The following KLHL24 variants were observed in gnomAD, a reference collection of about 807,000 sequenced individuals.
The protein encoded by KLHL24 is kelch-like protein 24.
KLHL24 carries 29 observed loss-of-function variants against 53.4 expected under a neutral mutation model. That is an observed-to-expected ratio of 0.54 (90% CI 0.40 to 0.74). KLHL24 has a LOEUF of 0.74. Among genes scored for constraint, KLHL24 ranks in the 30% least tolerant of loss-of-function variants. KLHL24 has a pLI of 0.00. For missense variants in KLHL24, 504 were observed against 744.0 expected (o/e 0.68, Z 3.75); for synonymous variants, 222 against 253.7 (o/e 0.88, Z 1.19).
rs1437660320 is a variant in KLHL24 at position 183,679,207 on chromosome 3, T to C, written c.1724T>C (p.Val575Ala). The C allele has an allele frequency of 1.2e-6, 2 of 1,613,800 alleles. No individual in the cohort carries two copies. Among genetic ancestry groups the C allele is most frequent in the Non-Finnish European group, 1.7e-6 (2 of 1,179,770 alleles). ...YDPATSIITG[V>A]AAMPRPVSYH... ...CCTGCAACAAGTATCATCACAGGGG[T>C]AGCTGCAATGCCCAGGCCAGTGTCC... is the stretch of plus-strand genomic sequence containing the variant. The change falls in exon 8 of 8, where the codon GTA becomes GCA. Residue 575 changes from valine (V) to alanine (A), a missense_variant. Physicochemically the swap from Val to Ala is moderately conservative, Grantham distance 64. Coordinates refer to ENST00000242810, the MANE Select transcript of KLHL24 (RefSeq NM_017644.3).
intron 5 of KLHL24, among the ~76,000 whole-genome samples, chr3:183,669,486 ACTC>A (rs1267082571): frequency 6.6e-6 from 1 of 152,026 alleles, no homozygotes; most frequent in Non-Finnish European, 1.5e-5. Flanking sequence ...CAGGTTCCAT[ACTC>A]CATATAGCTG....
chr3:183,675,777 TAAAA>T (rs900119983), intron 7 of KLHL24, among the ~76,000 whole-genome samples: 1 of 146,500 alleles, frequency 6.8e-6, no homozygotes, highest in Non-Finnish European at 1.5e-5. Flanking sequence ...AAAAAAAATT[TAAAA>T]AAAAAAGAAA....
At chr3:183,647,012 A>G (rs1238684807) in intron 2 of KLHL24, among the ~76,000 whole-genome samples, 2 of 141,486 alleles carry the variant, frequency 1.4e-5, no homozygotes, top group Non-Finnish European at 3.0e-5. Context: ...ACGGGGTTTC[A>G]CTGTTAGCTA....
Position 183,650,320 on chromosome 3 carries a change from T to C in KLHL24, c.-37T>C, listed in dbSNP as rs758506720. 5.3e-6 allele frequency: 8 copies of C among 1,519,532 alleles called. No homozygotes were observed. The Admixed American group carries it at 1.5e-4, about 29-fold the overall frequency. The allele number at this position is 1,519,532 out of a possible 1,614,324, so 94.1% of individuals were successfully genotyped here. Reference sequence around the variant, plus strand: ...GCCACATAAAGAAGATCCCTAATAGTCATTTCTCAACAATTATATAGTCAA... The same window carrying C: ...GCCACATAAAGAAGATCCCTAATAGCCATTTCTCAACAATTATATAGTCAA... On this transcript the variant is annotated 5_prime_UTR_variant, in exon 3 of 8. Transcript: ENST00000242810. This position sits in a 1 kb window ranked among gnomAD's most constrained non-coding sequence, Gnocchi z 4.5.
chr3:183,666,451 T>C (rs60886151), intron 5 of KLHL24, among the ~76,000 whole-genome samples: 2,632 of 151,972 alleles, frequency 0.017, 85 homozygotes, highest in African/African-American at 0.06. Context: ...TTGTAGAGAT[T>C]GGGTTTCTCC....
At chr3:183,666,250 A>G (rs1231679397) in intron 5 of KLHL24, among the ~76,000 whole-genome samples, 2 of 137,418 alleles carry the variant, frequency 1.5e-5, no homozygotes, top group Non-Finnish European at 3.1e-5. Flanking sequence ...AGTGTTTCTG[A>G]TTTTGGATAT....
At position 183,650,853 on chromosome 3, in the gene KLHL24, G is replaced by A; in HGVS notation, c.497G>A (p.Cys166Tyr). The change falls in exon 3 of 8, where the codon TGT (cysteine) becomes TAT (tyrosine). Residue 166 changes from cysteine (C) to tyrosine (Y), a missense_variant. Physicochemically the swap from Cys to Tyr is radical, Grantham distance 194. Transcript: ENST00000242810. This position sits in a 1 kb window ranked among gnomAD's most constrained non-coding sequence, Gnocchi z 4.5. ...AKFLEEQLDPCNCLGIQRFAD... is the reference protein window; with the variant it reads ...AKFLEEQLDPYNCLGIQRFAD... ...TTCTTGGAGGAGCAACTTGATCCTT[G>A]TAATTGCTTAGGAATCCAGCGCTTT... 1 of 1,614,070 alleles carries A rather than the reference G, an allele frequency of 6.2e-7. No individual in the cohort carries two copies. Among genetic ancestry groups the A allele is most frequent in the South Asian group, 1.1e-5 (1 of 91,076 alleles).
At chr3:183,638,703 A>C (rs1251815310) in intron 1 of KLHL24, among the ~76,000 whole-genome samples, 1 of 152,242 alleles carries the variant, frequency 6.6e-6, no homozygotes, top group Non-Finnish European at 1.5e-5. Flanking sequence ...CCAGAGGCTG[A>C]GGCAGGAGAA....
intron 3 of KLHL24, among the ~76,000 whole-genome samples, chr3:183,651,657 T>A (rs999291359): frequency 6.6e-6 from 1 of 152,092 alleles, no homozygotes; most frequent in African/African-American, 2.4e-5. Flanking sequence ...CCTCTACTTA[T>A]AAAAAAACAA....
intron 5 of KLHL24, among the ~76,000 whole-genome samples, chr3:183,665,595 A>T (rs1371194080): frequency 6.6e-6 from 1 of 151,980 alleles, no homozygotes; most frequent in African/African-American, 2.4e-5. Context: ...CTAAAAATAC[A>T]AAAAATAAGC....
At chr3:183,666,935 T>C (rs1369328869) in intron 5 of KLHL24, among the ~76,000 whole-genome samples, 1 of 152,130 alleles carries the variant, frequency 6.6e-6, no homozygotes, top group Non-Finnish European at 1.5e-5. Context: ...CTTTCGCATA[T>C]GTCTTTGACT....
chr3:183,658,776 A>T (rs986215705), intron 3 of KLHL24, among the ~76,000 whole-genome samples: 1 of 151,626 alleles, frequency 6.6e-6, no homozygotes, highest in African/African-American at 2.4e-5. Flanking sequence ...GTGGTATCTC[A>T]TAATTTTCAT....
At position 183,635,663 on chromosome 3, in the gene KLHL24, C is replaced by A. The variant is rs746044052; in HGVS notation, c.-255C>A. The A allele has an allele frequency of 6.5e-6, 1 of 152,766 alleles. No homozygotes were observed. The highest frequency in any genetic ancestry group is 2.4e-5 in the African/African-American group (1 of 41,464). 9.5% of individuals were successfully genotyped at this position (152,766 alleles called of 1,614,324 possible). A position where few individuals can be genotyped will look rare whatever the true frequency, so the allele number is the denominator to read the frequency against. On this transcript the variant is annotated 5_prime_UTR_variant, in exon 1 of 8. Transcript: ENST00000242810. ...AGAGACTGGTGGCTGGAGGAGACGC[C>A]GGCGCTGGAGAGTGCGCTGCGCCGC...
Position 183,650,327 on chromosome 3 carries a change from TCAA to T in KLHL24, c.-26_-24del. 4 of 1,548,960 alleles carry T rather than the reference TCAA, an allele frequency of 2.6e-6. No individual in the cohort carries two copies. Among genetic ancestry groups the T allele is most frequent in the Non-Finnish European group, 3.5e-6 (4 of 1,136,564 alleles). Reference sequence around the variant, plus strand: ...AAAGAAGATCCCTAATAGTCATTTCTCAACAATTATATAGTCAACTGATGTAAC... The same window carrying T: ...AAAGAAGATCCCTAATAGTCATTTCTCAATTATATAGTCAACTGATGTAAC... On this transcript the variant is annotated 5_prime_UTR_variant, in exon 3 of 8. Transcript: ENST00000242810. This position sits in a 1 kb window ranked among gnomAD's most constrained non-coding sequence, Gnocchi z 4.5.
intron 7 of KLHL24, among the ~76,000 whole-genome samples, chr3:183,673,292 T>C (rs1721611213): frequency 6.6e-6 from 1 of 152,202 alleles, no homozygotes; most frequent in African/African-American, 2.4e-5. Flanking sequence ...ATAAAGCATA[T>C]GGCAACCTGT....
chr3:183,639,123 C>G (rs1055360547), intron 1 of KLHL24, among the ~76,000 whole-genome samples: 5 of 151,878 alleles, frequency 3.3e-5, no homozygotes, highest in Non-Finnish European at 2.9e-5. Context: ...ATCACTTGAA[C>G]CGGGAGGCGG....
chr3:183,646,397 C>T (rs1251587103), intron 2 of KLHL24, among the ~76,000 whole-genome samples: 1 of 151,406 alleles, frequency 6.6e-6, no homozygotes, highest in African/African-American at 2.4e-5. Flanking sequence ...CAACATACTG[C>T]CTCTGACTCT....
intron 2 of KLHL24, among the ~76,000 whole-genome samples, chr3:183,644,606 A>G (rs1252086147): frequency 6.6e-6 from 1 of 152,200 alleles, no homozygotes; most frequent in Non-Finnish European, 1.5e-5. Context: ...TATTGGGTAA[A>G]AGTAGTGGAG....
intron 3 of KLHL24, among the ~76,000 whole-genome samples, chr3:183,655,071 T>C (rs1718658451): frequency 6.6e-6 from 1 of 152,208 alleles, no homozygotes; most frequent in Admixed American, 6.5e-5. Flanking sequence ...CCAGTGTTCC[T>C]TTAGTATCTA....
Sources: gnomAD v4.1 joint callset for allele counts (sites outside exome capture counted in the v4.1 genomes callset) on GRCh38, gnomAD v4.1.1 for gene constraint, Gnocchi (gnomAD v3.1) non-coding constraint, MANE v1.5 for transcripts, NCBI Gene and HGNC (gene_info 2026-07-23, HGNC 2026-07-21) for gene names.